Variants in ADK observed in about 807,000 individuals in gnomAD.
The protein encoded by ADK is adenosine kinase, also known as N6,N6-dimethyladenosine kinase.
A neutral mutation model predicts 44.7 loss-of-function variants in ADK; 24 were observed. The ratio of observed to expected loss-of-function variants is 0.54; its 90% CI spans 0.39 to 0.76. The LOEUF (loss-of-function observed/expected upper bound fraction) is 0.76, where lower values mean the gene tolerates loss of function less well. Among genes scored for constraint, ADK ranks in the 30% least tolerant of loss-of-function variants. The probability of loss-of-function intolerance (pLI) is 0.00; values close to 1 mark genes in which losing one functional copy is unlikely to be tolerated. For synonymous variants in ADK, 128 were observed against 142.6 expected (o/e 0.90, Z 0.73); for missense variants, 321 against 425.1 (o/e 0.76, Z 2.15).
rs191058310 is a variant in ADK at position 74,620,549 on chromosome 10, G to A, written c.877+20056G>A. 5.8e-4 allele frequency among the ~76,000 whole-genome samples: 89 copies of A among 152,186 alleles called. 2 individuals carry two copies. Among genetic ancestry groups the A allele is most frequent in the African/African-American group, 2.0e-3 (81 of 41,518 alleles). On this transcript the variant is annotated intron_variant, in intron 9 of 10. Transcript: ENST00000539909. Reference sequence around the variant, plus strand: ...GACATTTGGGTTGATTTCATGTCTTGGCTATAGTGAATAATGCTGTAGTAA... The same window carrying A: ...GACATTTGGGTTGATTTCATGTCTTAGCTATAGTGAATAATGCTGTAGTAA...
chr10:74,299,310 A>G (rs12356357), intron 3 of ADK, among the ~76,000 whole-genome samples: 44,512 of 147,614 alleles, frequency 0.3, 8,552 homozygotes, highest in Non-Finnish European at 0.44. Flanking sequence ...CCTGGCCAAC[A>G]TGGTGAAACC....
At chr10:74,232,775 G>A (rs774305782) in intron 3 of ADK, among the ~76,000 whole-genome samples, 3 of 152,028 alleles carry the variant, frequency 2.0e-5, no homozygotes, top group Admixed American at 2.0e-4. Flanking sequence ...ATAGGCGCAC[G>A]CCGCCACACC....
intron 3 of ADK, among the ~76,000 whole-genome samples, chr10:74,265,663 T>C (rs892626269): frequency 6.6e-6 from 1 of 152,226 alleles, no homozygotes; most frequent in African/African-American, 2.4e-5. Context: ...AAGTGGTGAA[T>C]TGAGCCTCAC....
At chr10:74,160,407 T>C (rs1841856648) in intron 1 of ADK, among the ~76,000 whole-genome samples, 1 of 152,224 alleles carries the variant, frequency 6.6e-6, no homozygotes, top group Non-Finnish European at 1.5e-5. Context: ...GCATACTGCC[T>C]ATGGGGTAGC....
At chr10:74,658,155 A>G (rs1437956606) in intron 9 of ADK, among the ~76,000 whole-genome samples, 4 of 152,210 alleles carry the variant, frequency 2.6e-5, no homozygotes, top group Non-Finnish European at 5.9e-5. Context: ...GGGGAATAAC[A>G]TCAGATTTGT....
At chr10:74,391,441 AT>A (rs1284596575) in intron 4 of ADK, among the ~76,000 whole-genome samples, 1 of 151,936 alleles carries the variant, frequency 6.6e-6, no homozygotes, top group Non-Finnish European at 1.5e-5. Flanking sequence ...ATAGAAAAGC[AT>A]TTTTCATTTC....
chr10:74,371,823 A>C (rs1416281825), intron 4 of ADK: 1 of 1,265,484 alleles, frequency 7.9e-7, no homozygotes, highest in Non-Finnish European at 1.1e-6. Context: ...CACTGGAGCC[A>C]CTCCAATTGT....
intron 6 of ADK, among the ~76,000 whole-genome samples, chr10:74,417,412 A>G (rs1267851900): frequency 4.6e-5 from 7 of 152,114 alleles, no homozygotes; most frequent in African/African-American, 1.7e-4. Flanking sequence ...TTTAAGGTAC[A>G]CTGTAGTGTT....
intron 6 of ADK, chr10:74,508,525 T>C (rs1848172769): frequency 6.6e-6 from 1 of 152,232 alleles, no homozygotes; most frequent in Non-Finnish European, 1.5e-5. Flanking sequence ...GACATTATTA[T>C]TCCCATTTTA....
chr10:74,547,715 A>G (rs1849887069), intron 7 of ADK, among the ~76,000 whole-genome samples: 1 of 150,844 alleles, frequency 6.6e-6, no homozygotes, highest in South Asian at 2.1e-4. Flanking sequence ...TAAGAGTGCA[A>G]TAGCGCCATC....
intron 7 of ADK, among the ~76,000 whole-genome samples, chr10:74,582,452 A>G (rs1851404001): frequency 6.6e-6 from 1 of 152,246 alleles, no homozygotes; most frequent in Non-Finnish European, 1.5e-5. Context: ...TAGTCTAAGT[A>G]GCTTGTCTGT....
At chr10:74,236,820 AT>A (rs1391973220) in intron 3 of ADK, among the ~76,000 whole-genome samples, 1 of 152,246 alleles carries the variant, frequency 6.6e-6, no homozygotes, top group African/African-American at 2.4e-5. Context: ...TGTATAAAAA[AT>A]GTATATGCCT....
At chr10:74,212,127 G>A (rs1843836526) in intron 2 of ADK, among the ~76,000 whole-genome samples, 1 of 151,908 alleles carries the variant, frequency 6.6e-6, no homozygotes, top group Non-Finnish European at 1.5e-5. Flanking sequence ...GTTGCTCTGG[G>A]GCTTCCTCAA....
At chr10:74,687,562 G>A (rs1347590925) in intron 10 of ADK, among the ~76,000 whole-genome samples, 1 of 152,170 alleles carries the variant, frequency 6.6e-6, no homozygotes, top group African/African-American at 2.4e-5. Context: ...ACGTGGATGG[G>A]CTCTATAAAC....
chr10:74,176,335 T>C (rs12573619), intron 1 of ADK, among the ~76,000 whole-genome samples: 3,023 of 152,106 alleles, frequency 0.02, 47 homozygotes, highest in Middle Eastern at 0.027. Context: ...TTGCTTTTTT[T>C]CCCCCCACCT....
chr10:74,516,186 A>G (rs1261368936), intron 6 of ADK, among the ~76,000 whole-genome samples: 2 of 152,086 alleles, frequency 1.3e-5, no homozygotes, highest in Non-Finnish European at 2.9e-5. Flanking sequence ...TAAGGCCTTC[A>G]TGTGTTTGTG....
chr10:74,552,835 A>T (rs1341599645), intron 7 of ADK, among the ~76,000 whole-genome samples: 8 of 152,192 alleles, frequency 5.3e-5, no homozygotes, highest in African/African-American at 1.4e-4. Flanking sequence ...GAGGATGAAC[A>T]TTATTAATCA....
At chr10:74,384,862 G>T (rs1281505035) in intron 4 of ADK, among the ~76,000 whole-genome samples, 1 of 152,048 alleles carries the variant, frequency 6.6e-6, no homozygotes, top group Non-Finnish European at 1.5e-5. Flanking sequence ...GGAAGTTAAT[G>T]GTTCAATCAT....
intron 3 of ADK, among the ~76,000 whole-genome samples, chr10:74,302,127 T>TTTTG (rs1840074389): frequency 2.0e-5 from 2 of 99,664 alleles, no homozygotes; most frequent in African/African-American, 8.6e-5. Context: ...TTTTTTTTTT[T>TTTTG]TTTTTTTTTT....
Sources: gnomAD v4.1 joint callset for allele counts (sites outside exome capture counted in the v4.1 genomes callset) on GRCh38, gnomAD v4.1.1 for gene constraint, MANE v1.5 for transcripts, NCBI Gene and HGNC (gene_info 2026-07-23, HGNC 2026-07-21) for gene names.